TAF4B: variants seen among roughly 807,000 people sequenced by gnomAD.
TAF4B encodes the protein TATA-box binding protein associated factor 4b.
In TAF4B, 38 loss-of-function variants were observed where a neutral mutation model predicts 86.4. The observed-to-expected ratio is 0.44, with a 90% CI of 0.34 to 0.58. The LOEUF (loss-of-function observed/expected upper bound fraction) is 0.58, where lower values mean the gene tolerates loss of function less well. TAF4B is among the 20% of genes least tolerant of loss of function. The probability of loss-of-function intolerance (pLI) is 0.02; values close to 1 mark genes in which losing one functional copy is unlikely to be tolerated. For synonymous variants in TAF4B, 388 were observed against 391.2 expected (o/e 0.99, Z 0.10); for missense variants, 988 against 1,027.6 (o/e 0.96, Z 0.53).
intron 13 of TAF4B, among the ~76,000 whole-genome samples, chr18:26,336,301 T>C (rs2057090818): frequency 6.6e-6 from 1 of 152,202 alleles, no homozygotes; most frequent in Non-Finnish European, 1.5e-5. Flanking sequence ...CTATGAAATT[T>C]GTTGTTGCTT....
chr18:26,373,632 T>C (rs1213837560), intron 14 of TAF4B, among the ~76,000 whole-genome samples: 1 of 152,240 alleles, frequency 6.6e-6, no homozygotes, highest in East Asian at 1.9e-4. Flanking sequence ...TCATCAATAC[T>C]GGATATTATT....
intron 1 of TAF4B, among the ~76,000 whole-genome samples, chr18:26,248,594 G>A (rs534206283): frequency 0.015 from 122 of 8,410 alleles, 6 homozygotes; most frequent in Admixed American, 0.053. Flanking sequence ...GTACAATCAG[G>A]GCTCACTTCA....
intron 1 of TAF4B, among the ~76,000 whole-genome samples, chr18:26,237,215 G>T (rs1198531350): frequency 6.6e-6 from 1 of 152,088 alleles, no homozygotes; most frequent in Admixed American, 6.5e-5. Context: ...TAAGAGACCA[G>T]GTATCTTCGA....
intron 9 of TAF4B, among the ~76,000 whole-genome samples, chr18:26,301,381 G>C (rs1419418931): frequency 3.3e-5 from 5 of 151,360 alleles, no homozygotes; most frequent in African/African-American, 1.2e-4. Flanking sequence ...TGAACTTCTA[G>C]GCTCCAGTGA....
At chr18:26,308,813 A>T (rs1324799404) in intron 9 of TAF4B, among the ~76,000 whole-genome samples, 1 of 144,512 alleles carries the variant, frequency 6.9e-6, no homozygotes, top group Non-Finnish European at 1.5e-5. Flanking sequence ...CGGAGGATGC[A>T]GTGAGCCGAG....
At chr18:26,310,190 T>C (rs2056839151) in intron 9 of TAF4B, among the ~76,000 whole-genome samples, 1 of 152,176 alleles carries the variant, frequency 6.6e-6, no homozygotes, top group Non-Finnish European at 1.5e-5. Context: ...CTCTTAATTT[T>C]TATAACTCAG....
intron 10 of TAF4B, among the ~76,000 whole-genome samples, chr18:26,317,148 A>G (rs1390780315): frequency 6.8e-6 from 1 of 146,334 alleles, no homozygotes; most frequent in Non-Finnish European, 1.5e-5. Flanking sequence ...TCCTGCCTCA[A>G]CCTCCCGAGT....
intron 6 of TAF4B, among the ~76,000 whole-genome samples, chr18:26,284,975 A>G (rs1023872803): frequency 6.6e-6 from 1 of 151,904 alleles, no homozygotes; most frequent in Admixed American, 6.6e-5. Flanking sequence ...TTATTTAAAA[A>G]AATTTTTTTT....
At chr18:26,313,670 GT>G (rs528865635) in intron 9 of TAF4B, among the ~76,000 whole-genome samples, 89 of 145,912 alleles carry the variant, frequency 6.1e-4, no homozygotes, top group South Asian at 3.3e-3. Context: ...CTTTCCTTGA[GT>G]TTTTTTTTTT....
intron 13 of TAF4B, among the ~76,000 whole-genome samples, chr18:26,353,491 G>A (rs2057261558): frequency 6.6e-6 from 1 of 152,200 alleles, no homozygotes; most frequent in Admixed American, 6.5e-5. Context: ...GGCACTTTGG[G>A]AGGCCAAGGC....
In TAF4B at chr18:26,380,052, G is replaced by A. The variant is rs1043557081; in HGVS notation, c.2422-9793G>A. ...ACTTAATTGTTCTAGAGGTTTTTTG[G>A]AATAAATGTCTTAGGATTTGCTAAG... On this transcript the variant is annotated intron_variant, in intron 14 of 14. Transcript: ENST00000269142. 3.3e-5 allele frequency among the ~76,000 whole-genome samples: 5 copies of A among 152,058 alleles called. No individual in the cohort carries two copies. In the East Asian group the frequency reaches 7.7e-4, roughly 24 times the overall value.
chr18:26,311,861 T>C (rs1279785694), intron 9 of TAF4B, among the ~76,000 whole-genome samples: 1 of 152,130 alleles, frequency 6.6e-6, no homozygotes, highest in Non-Finnish European at 1.5e-5. Flanking sequence ...TAGTCTGCTG[T>C]TGTTAGAGAA....
At chr18:26,269,588 C>G (rs1208445439) in intron 3 of TAF4B, among the ~76,000 whole-genome samples, 2 of 152,168 alleles carry the variant, frequency 1.3e-5, no homozygotes, top group East Asian at 3.9e-4. Context: ...AAACTTGAAC[C>G]ATACTGCTCA....
At chr18:26,364,429 A>AC (rs2057355062) in intron 14 of TAF4B, among the ~76,000 whole-genome samples, 1 of 152,164 alleles carries the variant, frequency 6.6e-6, no homozygotes, top group African/African-American at 2.4e-5. Flanking sequence ...ACAGTAAAAT[A>AC]AAACCTACTT....
At chr18:26,279,545 C>CAAAAAA (rs375937630) in intron 5 of TAF4B, among the ~76,000 whole-genome samples, 1 of 113,530 alleles carries the variant, frequency 8.8e-6, no homozygotes. Flanking sequence ...CAATTAGAAG[C>CAAAAAA]AAAAAAAAAA....
At chr18:26,286,531 T>G (rs1294462971) in intron 7 of TAF4B, 32 bp downstream of exon 7, 2 of 1,553,862 alleles carry the variant, frequency 1.3e-6, no homozygotes, top group Non-Finnish European at 1.7e-6. Flanking sequence ...CCCCAGTTAC[T>G]TATTTTGAAA....
At chr18:26,305,084 G>T (rs559052954) in intron 9 of TAF4B, among the ~76,000 whole-genome samples, 6 of 152,236 alleles carry the variant, frequency 3.9e-5, no homozygotes, top group Admixed American at 1.3e-4. Context: ...AAGTTTAGCA[G>T]TCTCTTCCTT....
Position 26,356,795 on chromosome 18 carries a change from T to G in TAF4B, c.2317-895T>G, listed in dbSNP as rs2057291799. On this transcript the variant is annotated intron_variant, in intron 13 of 14. Transcript: ENST00000269142. ...ATTTTGACTTTCTCACTTGGTGTTTTTTTTTTTTTTTTTAAACAGAATACC... is the reference window on the plus strand; with the variant it reads ...ATTTTGACTTTCTCACTTGGTGTTTGTTTTTTTTTTTTTAAACAGAATACC... Among the ~76,000 whole-genome samples, 3 of 150,206 alleles carry G rather than the reference T, an allele frequency of 2.0e-5. No homozygotes were observed. In the South Asian group the frequency reaches 6.3e-4, roughly 31 times the overall value.
chr18:26,333,284 C>T (rs2057066017), intron 12 of TAF4B, among the ~76,000 whole-genome samples: 3 of 148,250 alleles, frequency 2.0e-5, no homozygotes, highest in Admixed American at 2.0e-4. Flanking sequence ...GCAGTGGCCC[C>T]ATCTCAGCTC....
Sources: gnomAD v4.1 joint callset for allele counts (sites outside exome capture counted in the v4.1 genomes callset) on GRCh38, gnomAD v4.1.1 for gene constraint, MANE v1.5 for transcripts, NCBI Gene and HGNC (gene_info 2026-07-23, HGNC 2026-07-21) for gene names.